Variants in GRID2 observed in about 807,000 individuals in gnomAD.
The protein encoded by GRID2 is glutamate receptor ionotropic, delta-2.
A neutral mutation model predicts 114.8 loss-of-function variants in GRID2; 33 were observed. That is an observed-to-expected ratio of 0.29 (90% confidence interval 0.22 to 0.38). The LOEUF is 0.38. Ranked by LOEUF, GRID2 falls within the 10% of genes least tolerant of loss-of-function variation. The pLI is 1.00. For missense variants in GRID2, 1,184 were observed against 1,257.7 expected (o/e 0.94, Z 0.89); for synonymous variants, 505 against 449.9 (o/e 1.12, Z -1.55).
At chr4:93,480,113 T>G (rs1725704308) in intron 11 of GRID2, among the ~76,000 whole-genome samples, 1 of 152,046 alleles carries the variant, frequency 6.6e-6, no homozygotes. Context: ...TAATATGTGA[T>G]AGAATAAAAA....
intron 2 of GRID2, among the ~76,000 whole-genome samples, chr4:92,902,754 C>T (rs945863528): frequency 1.1e-4 from 16 of 151,948 alleles, no homozygotes; most frequent in Admixed American, 1.0e-3. Context: ...GGGTGTAATT[C>T]TCCCAACATA....
At chr4:93,418,127 G>A (rs1435364561) in intron 9 of GRID2, among the ~76,000 whole-genome samples, 1 of 151,178 alleles carries the variant, frequency 6.6e-6, no homozygotes, top group East Asian at 1.9e-4. Flanking sequence ...TTTATATATC[G>A]AGCAGGAGTG....
chr4:93,056,484 A>G (rs994482994), intron 2 of GRID2, among the ~76,000 whole-genome samples: 2 of 151,968 alleles, frequency 1.3e-5, no homozygotes, highest in African/African-American at 4.8e-5. Flanking sequence ...AAAATAAATG[A>G]AAGAGTAGCA....
intron 2 of GRID2, among the ~76,000 whole-genome samples, chr4:92,811,203 A>C (rs1479278599): frequency 6.6e-6 from 1 of 152,180 alleles, no homozygotes; most frequent in Non-Finnish European, 1.5e-5. Context: ...CTTGAAATAA[A>C]AAGTATAATT....
At chr4:93,249,219 C>T (rs1412115034) in intron 8 of GRID2, among the ~76,000 whole-genome samples, 1 of 152,048 alleles carries the variant, frequency 6.6e-6, no homozygotes, top group Non-Finnish European at 1.5e-5. Context: ...CTGTTCTGTT[C>T]AATTGGTCTA....
intron 11 of GRID2, among the ~76,000 whole-genome samples, chr4:93,477,743 C>T (rs1400996682): frequency 6.6e-6 from 1 of 152,084 alleles, no homozygotes; most frequent in African/African-American, 2.4e-5. Context: ...TTCATTCATA[C>T]TATGATCAGA....
At chr4:92,753,723 G>A (rs1474319287) in intron 2 of GRID2, among the ~76,000 whole-genome samples, 1 of 152,104 alleles carries the variant, frequency 6.6e-6, no homozygotes, top group Non-Finnish European at 1.5e-5. Flanking sequence ...CTCTAAAGAA[G>A]GGTTCACGGA....
chr4:92,933,836 C>T (rs1345756963), intron 2 of GRID2, among the ~76,000 whole-genome samples: 3 of 151,492 alleles, frequency 2.0e-5, no homozygotes, highest in Non-Finnish European at 4.4e-5. Context: ...TCAAAAGCCC[C>T]CTATTTTCTC....
intron 2 of GRID2, among the ~76,000 whole-genome samples, chr4:93,021,402 GTTAT>G (rs1300450763): frequency 2.0e-5 from 3 of 149,532 alleles, no homozygotes; most frequent in East Asian, 3.9e-4. Context: ...TGTTAATAGA[GTTAT>G]TTAACATATT....
At chr4:92,438,721 A>G (rs1397824347) in intron 1 of GRID2, among the ~76,000 whole-genome samples, 1 of 152,106 alleles carries the variant, frequency 6.6e-6, no homozygotes, top group African/African-American at 2.4e-5. Context: ...GAAGAATCCC[A>G]GTCGTTCTAG....
At chr4:92,339,066 C>A (rs1028484227) in intron 1 of GRID2, among the ~76,000 whole-genome samples, 1 of 152,020 alleles carries the variant, frequency 6.6e-6, no homozygotes, top group Non-Finnish European at 1.5e-5. Context: ...GAGATTTATA[C>A]CTTCCTCTAA....
rs1300708517 is a variant in GRID2, at chr4:93,550,242, CT to C, written c.2193+34836del. The stretch of plus-strand genomic sequence containing the variant: ...GACTATAGATGCCAGCCACACCTGG[CT>C]TTTTCTGAGGTTTTTAAATCTAATT... On this transcript the variant is annotated intron_variant, in intron 13 of 15. Coordinates refer to ENST00000282020, the MANE Select transcript of GRID2 (RefSeq NM_001510.4). 9.9e-5 allele frequency among the ~76,000 whole-genome samples: 15 copies of C among 152,202 alleles called. No individual in the cohort carries two copies. The East Asian group carries it at 2.7e-3, about 27-fold the overall frequency.
rs533683407 is a variant in GRID2 at position 93,244,472 on chromosome 4, A to G, written c.1245+5982A>G. On this transcript the variant is annotated intron_variant, in intron 8 of 15. Transcript: ENST00000282020. Reference sequence around the variant, plus strand: ...AACCTAATGTACTGCTTCGCAAAGGATATTATATTATATAATCTATTAATT... The same window carrying G: ...AACCTAATGTACTGCTTCGCAAAGGGTATTATATTATATAATCTATTAATT... Among the ~76,000 whole-genome samples the G allele has an allele frequency of 2.1e-5, 3 of 145,074 alleles. No homozygotes were observed. The Admixed American group carries it at 2.1e-4, about 10-fold the overall frequency.
At chr4:92,933,866 T>C (rs113009005) in intron 2 of GRID2, among the ~76,000 whole-genome samples, 3 of 151,816 alleles carry the variant, frequency 2.0e-5, no homozygotes, top group African/African-American at 7.2e-5. Flanking sequence ...ATGTTGTATA[T>C]CTTCTTAGAT....
chr4:92,767,507 A>C (rs889047582), intron 2 of GRID2, among the ~76,000 whole-genome samples: 6 of 152,074 alleles, frequency 3.9e-5, no homozygotes, highest in African/African-American at 1.4e-4. Context: ...AAAGCATTTC[A>C]TGGGAGGCCA....
chr4:92,818,703 T>G (rs1741071069), intron 2 of GRID2, among the ~76,000 whole-genome samples: 1 of 152,130 alleles, frequency 6.6e-6, no homozygotes, highest in South Asian at 2.1e-4. Flanking sequence ...GAGCAGCCCC[T>G]CTGGAAGTGC....
At chr4:93,769,824 A>T in intron 15 of GRID2, among the ~76,000 whole-genome samples, 1 of 152,168 alleles carries the variant, frequency 6.6e-6, no homozygotes, top group East Asian at 1.9e-4. Flanking sequence ...ACTTGTAAGT[A>T]AATTCCTCGT....
At chr4:93,519,809 A>G (rs1401934474) in intron 13 of GRID2, among the ~76,000 whole-genome samples, 6 of 152,252 alleles carry the variant, frequency 3.9e-5, no homozygotes, top group Non-Finnish European at 8.8e-5. Context: ...AGCAGTATTC[A>G]TTCATAAAGA....
rs553737217 is a variant in GRID2, at chr4:93,395,661, T to C, written c.1300T>C (p.Leu434=). ...GAATGGGTCACTGACTGACAAGAAA[T>C]TGGAGAATAACATGCGTGGAGTGGT... is the stretch of plus-strand genomic sequence containing the variant. ...GLNGSLTDKK[L]ENNMRGVVLR... Residue 434 remains leucine, a synonymous_variant, in exon 9 of 16, where the codon TTG becomes CTG. Coordinates refer to ENST00000282020, the MANE Select transcript of GRID2 (RefSeq NM_001510.4). The C allele has an allele frequency of 1.3e-6, 2 of 1,585,462 alleles. No homozygotes were observed. Among genetic ancestry groups the C allele is most frequent in the South Asian group, 2.2e-5 (2 of 90,472 alleles).
Sources: allele counts gnomAD v4.1 joint callset (sites outside exome capture counted in the v4.1 genomes callset), GRCh38; gene constraint gnomAD v4.1.1; transcripts MANE v1.5; gene names NCBI Gene and HGNC (gene_info 2026-07-23, HGNC 2026-07-21).